COL6A2: variants seen among roughly 807,000 people sequenced by gnomAD.
The protein encoded by COL6A2 is collagen type VI alpha 2 chain.
Under a neutral mutation model 124.9 loss-of-function variants are expected in COL6A2, and 90 were observed. The observed-to-expected ratio is 0.72, with a 90% CI of 0.61 to 0.86. COL6A2 has a LOEUF of 0.86. COL6A2 is among the 40% of genes least tolerant of loss of function. COL6A2 has a pLI of 0.00. For synonymous variants in COL6A2, 793 were observed against 618.2 expected, an observed-to-expected ratio of 1.28 and a Z score of -4.19; for missense variants, 1,607 against 1,502.5, an observed-to-expected ratio of 1.07 and a Z score of -1.15.
intron 11 of COL6A2, 46 bp from the exon 12 acceptor site, chr21:46,117,828 A>C (rs1038394275): frequency 8.0e-5 from 126 of 1,574,030 alleles, no homozygotes; most frequent in Non-Finnish European, 1.0e-4. Context: ...CATGGGGAGA[A>C]CCCCACCCGC....
intron 16 of COL6A2, 100 bp from the exon 17 acceptor site, chr21:46,120,961 C>A: frequency 8.6e-7 from 1 of 1,166,398 alleles, no homozygotes; most frequent in Non-Finnish European, 1.3e-6. Flanking sequence ...CCAGACCCGT[C>A]TTACCCCCGA....
In COL6A2 at chr21:46,125,339, G is replaced by A. The variant is rs202049274; in HGVS notation, c.1816+28G>A. The A allele has an allele frequency of 3.1e-6, 5 of 1,607,282 alleles. No homozygotes were observed. In the South Asian group the frequency reaches 4.4e-5, roughly 14 times the overall value. Reference sequence around the variant, plus strand: ...GAGGCACTGCCCACGGCAGGGTCGGGGCCCATGCACCGGGTGGAGGGCGGG... The same window carrying A: ...GAGGCACTGCCCACGGCAGGGTCGGAGCCCATGCACCGGGTGGAGGGCGGG... On this transcript the variant is annotated intron_variant, in intron 24 of 27. Coordinates refer to ENST00000300527, the MANE Select transcript of COL6A2 (RefSeq NM_001849.4).
At chr21:46,121,717 C>A in intron 18 of COL6A2, 99 bp downstream of exon 18, 1 of 1,228,546 alleles carries the variant, frequency 8.1e-7, no homozygotes, top group Non-Finnish European at 1.2e-6. Context: ...TGCCGGCAGA[C>A]GTGCCTCAGG....
Position 46,126,481 on chromosome 21 carries a change from C to T in COL6A2, c.2423-22C>T, listed in dbSNP as rs778592092. The T allele has an allele frequency of 2.3e-5, 37 of 1,612,896 alleles. No individual in the cohort carries two copies. In the Middle Eastern group the frequency reaches 6.6e-4, roughly 29 times the overall value. ...GCTAGGGACTGACCCTGGCCTGGCC[C>T]GGCCTCTCTCCTCTCTTCCAGACCC... On this transcript the variant is annotated intron_variant, in intron 26 of 27. Coordinates refer to ENST00000300527, the MANE Select transcript of COL6A2 (RefSeq NM_001849.4).
At chr21:46,126,373 C>CG in intron 26 of COL6A2, 130 bp from the exon 27 acceptor site, 1 of 1,501,344 alleles carries the variant, frequency 6.7e-7, no homozygotes, top group Admixed American at 1.7e-5. Context: ...GGGAAGGGGT[C>CG]GGGCCCTCTC....
chr21:46,126,008 G>T lies in COL6A2; in HGVS notation c.2193G>T (p.Thr731=). 6.2e-7 allele frequency: 1 copy of T among 1,612,944 alleles called. No homozygotes were observed. Among genetic ancestry groups the T allele is most frequent in the Non-Finnish European group, 8.5e-7 (1 of 1,179,844 alleles). ...QKTRVFAVVI[T]DGRHDPRDDD... ...CACGTGTGTTTGCGGTGGTCATCAC[G>T]GACGGGCGCCACGACCCTCGGGACG... The change falls in exon 26 of 28, where the codon ACG becomes ACT. Residue 731 remains threonine (T), a synonymous_variant. Coordinates refer to ENST00000300527, the MANE Select transcript of COL6A2 (RefSeq NM_001849.4).
rs563449281 is a variant in COL6A2, at chr21:46,112,506, G to T, written c.643G>T (p.Asp215Tyr). The T allele has an allele frequency of 1.2e-6, 2 of 1,611,760 alleles. No homozygotes were observed. Among genetic ancestry groups the T allele is most frequent in the Admixed American group, 3.3e-5 (2 of 59,972 alleles). Residue 215 changes from aspartate (D) to tyrosine (Y), a missense_variant, in exon 3 of 28, where the codon GAC (aspartate) becomes TAC (tyrosine). By Grantham distance (160) the Asp-to-Tyr change is radical. Around this residue, in one of 3 missense-constraint regions of COL6A2, gnomAD observed 342 missense variants for 381.5 expected, o/e 0.90. Coordinates refer to ENST00000300527, the MANE Select transcript of COL6A2 (RefSeq NM_001849.4). ...ASTPHELYRNDYATMLPDSTE... is the reference protein window; with the variant it reads ...ASTPHELYRNYYATMLPDSTE... ...CACGCCGCACGAGCTCTACCGCAAC[G>T]ACTACGCCACCATGCTGCCCGACTC...
At position 46,132,044 on chromosome 21, in the gene COL6A2, A is replaced by G; in HGVS notation, c.2552A>G (p.Lys851Arg). Reference protein sequence around the residue: ...SERLGEQNFHKARRFVEQVAR... With the variant: ...SERLGEQNFHRARRFVEQVAR... The stretch of plus-strand genomic sequence containing the variant: ...CGGCTGGGTGAGCAGAACTTCCACA[A>G]GGCCCGGCGCTTCGTGGAGCAGGTG... The change falls in exon 28 of 28, where the codon AAG (lysine) becomes AGG (arginine). Residue 851 changes from lysine to arginine, a missense_variant. Transcript: ENST00000300527. 1 of 1,608,162 alleles carries G rather than the reference A, an allele frequency of 6.2e-7. No individual in the cohort carries two copies. Among genetic ancestry groups the G allele is most frequent in the East Asian group, 2.2e-5 (1 of 44,784 alleles).
chr21:46,112,395 G>A lies in COL6A2; in HGVS notation c.532G>A (p.Glu178Lys), dbSNP rs369025432. ...CTGCGGGGGCATCAAGCTGCAGGCC[G>A]AGCGGGCCCGCGAGGAGGGCATCCG... ...SPCGGIKLQA[E>K]RAREEGIRLF... Residue 178 changes from glutamate (E) to lysine (K), a missense_variant, in exon 3 of 28, where the codon GAG (glutamate) becomes AAG (lysine). Transcript: ENST00000300527. The A allele has an allele frequency of 2.6e-5, 41 of 1,607,580 alleles. No individual in the cohort carries two copies. Among genetic ancestry groups the A allele is most frequent in the Admixed American group, 3.3e-5 (2 of 59,822 alleles).
intron 4 of COL6A2, among the ~76,000 whole-genome samples, chr21:46,113,322 G>C (rs1568927180): frequency 6.6e-6 from 1 of 152,088 alleles, no homozygotes; most frequent in Non-Finnish European, 1.5e-5. Context: ...GTGTACAAAT[G>C]GTGCCTCCCT....
intron 1 of COL6A2, among the ~76,000 whole-genome samples, chr21:46,098,471 CTGCGCCCGAGCTCGG>C (rs2078250307): frequency 6.6e-6 from 1 of 151,756 alleles, no homozygotes; most frequent in Admixed American, 6.6e-5. Context: ...GGGTCCCTGT[CTGCGCCCGAGCTCGG>C]TGCTGGGACC....
chr21:46,130,264 C>T (rs556464952), intron 27 of COL6A2, among the ~76,000 whole-genome samples: 1 of 152,314 alleles, frequency 6.6e-6, no homozygotes, highest in Non-Finnish European at 1.5e-5. Flanking sequence ...AAAGCACAGT[C>T]GGGGGAGCAT....
Position 46,116,577 on chromosome 21 carries a change from T to C in COL6A2, c.928-74T>C. 1 of 1,607,234 alleles carries C rather than the reference T, an allele frequency of 6.2e-7. No homozygotes were observed. Among genetic ancestry groups the C allele is most frequent in the East Asian group, 2.2e-5 (1 of 44,838 alleles). On this transcript the variant is annotated intron_variant, in intron 8 of 27. Coordinates refer to ENST00000300527, the MANE Select transcript of COL6A2 (RefSeq NM_001849.4). The surrounding 1 kb of genome is among the most constrained non-coding windows in gnomAD (Gnocchi z 4.6). ...GGCCTTGAGTTTGGCCCAAGGGCTT[T>C]GCCCCCCAGAGGCAGCAGTGCCCAT...
Position 46,128,933 on chromosome 21 carries a change from T to C in COL6A2, c.2461+2392T>C, listed in dbSNP as rs188711939. ...GACGGAGCTGTTTTGTGCTGAAAGGTTTTCTCGGGGTCCGTGGTGTCCCCC... is the reference window on the plus strand; with the variant it reads ...GACGGAGCTGTTTTGTGCTGAAAGGCTTTCTCGGGGTCCGTGGTGTCCCCC... On this transcript the variant is annotated intron_variant, in intron 27 of 27. Coordinates refer to ENST00000300527, the MANE Select transcript of COL6A2 (RefSeq NM_001849.4). 4.6e-5 allele frequency: 74 copies of C among 1,612,342 alleles called. No individual in the cohort carries two copies. The African/African-American group carries it at 7.2e-4, about 16-fold the overall frequency.
In COL6A2 at chr21:46,132,418, T is replaced by TTGGGCAGCGACG. The variant is rs774874606; in HGVS notation, c.2930_2941dup (p.Gly977_Val980dup). ...GAACGTGGTACCCACCGTGCTGGCCTTGGGCAGCGACGTGGACATGGACGT... is the reference window on the plus strand; with the variant it reads ...GAACGTGGTACCCACCGTGCTGGCCTTGGGCAGCGACGTGGGCAGCGACGTGGACATGGACGT... On this transcript the variant is annotated inframe_insertion, in exon 28 of 28. Coordinates refer to ENST00000300527, the MANE Select transcript of COL6A2 (RefSeq NM_001849.4). 2 of 1,607,524 alleles carry TTGGGCAGCGACG rather than the reference T, an allele frequency of 1.2e-6. No individual in the cohort carries two copies. The highest frequency in any genetic ancestry group is 3.3e-5 in the Admixed American group (2 of 59,926).
At chr21:46,124,282 TGGATGGG>T (rs2078624524) in intron 21 of COL6A2, among the ~76,000 whole-genome samples, 1 of 151,468 alleles carries the variant, frequency 6.6e-6, no homozygotes, top group Non-Finnish European at 1.5e-5. Flanking sequence ...GGTGGATAGA[TGGATGGG>T]TGATTGGGCG....
intron 24 of COL6A2, 46 bp downstream of exon 24, chr21:46,125,357 A>G: frequency 6.2e-7 from 1 of 1,604,218 alleles, no homozygotes; most frequent in East Asian, 2.2e-5. Context: ...CACCGGGTGG[A>G]GGGCGGGAGT....
In COL6A2 at chr21:46,132,696, C is replaced by G. The variant is rs2123456728; in HGVS notation, c.*144C>G. On this transcript the variant is annotated 3_prime_UTR_variant, in exon 28 of 28. Coordinates refer to ENST00000300527, the MANE Select transcript of COL6A2 (RefSeq NM_001849.4). ...ACCTCTCCAGCTCCTCCCACGGGGT[C>G]CCCGTAGCCCCGGCCCCCGCCCAGC... The G allele has an allele frequency of 6.1e-6, 5 of 825,806 alleles. No individual in the cohort carries two copies. The South Asian group carries it at 6.5e-5, about 11-fold the overall frequency. 51.2% of individuals were successfully genotyped at this position (825,806 alleles called of 1,614,324 possible).
chr21:46,117,796 A>G, intron 11 of COL6A2, 78 bp from the exon 12 acceptor site: 1 of 1,460,662 alleles, frequency 6.8e-7, no homozygotes, highest in Non-Finnish European at 9.4e-7. Context: ...GGCTGGGACA[A>G]TGGAGCACTT....
Sources: allele counts gnomAD v4.1 joint callset (sites outside exome capture counted in the v4.1 genomes callset), GRCh38; gene constraint gnomAD v4.1.1; regional missense constraint gnomAD v4.1.1; non-coding constraint Gnocchi (gnomAD v3.1); transcripts MANE v1.5; gene names NCBI Gene and HGNC (gene_info 2026-07-23, HGNC 2026-07-21).